The following MYO3B variants were observed in gnomAD, a reference collection of about 807,000 sequenced individuals.
The protein encoded by MYO3B is myosin-IIIb.
MYO3B carries 156 observed loss-of-function variants against 174.6 expected under a neutral mutation model. The observed-to-expected ratio is 0.89, with a 90% CI of 0.78 to 1.02. The LOEUF is 1.02. MYO3B is among the 50% of genes least tolerant of loss of function. The probability of loss-of-function intolerance (pLI) is 0.00; values close to 1 mark genes in which losing one functional copy is unlikely to be tolerated. For synonymous variants in MYO3B, 563 were observed against 569.1 expected (o/e 0.99, Z 0.15); for missense variants, 1,632 against 1,639.4 (o/e 1.00, Z 0.08).
At chr2:170,187,157 T>C (rs1483304799) in intron 1 of MYO3B, among the ~76,000 whole-genome samples, 2 of 152,166 alleles carry the variant, frequency 1.3e-5, no homozygotes, top group African/African-American at 4.8e-5. Context: ...ATTTTACTTC[T>C]TTCTGCTCTG....
intron 7 of MYO3B, among the ~76,000 whole-genome samples, chr2:170,296,842 T>C (rs2093631830): frequency 6.6e-6 from 1 of 152,170 alleles, no homozygotes; most frequent in Admixed American, 6.5e-5. Flanking sequence ...ACATGTCTTA[T>C]ATAGCCAGAG....
chr2:170,271,708 G>T (rs1271520960), intron 7 of MYO3B, among the ~76,000 whole-genome samples: 1 of 152,012 alleles, frequency 6.6e-6, no homozygotes, highest in Non-Finnish European at 1.5e-5. Flanking sequence ...CTACTTGTCT[G>T]GTCTTATTAA....
rs576508553 is a variant in MYO3B, at chr2:170,300,955, TTTAG to T, written c.750-34419_750-34416del. ...AAGAGGTGCTGAATTACAAAGGGAGTTTAGTTAGTTAGTTGATGAACCATGGTGG... is the reference window on the plus strand; with the variant it reads ...AAGAGGTGCTGAATTACAAAGGGAGTTTAGTTAGTTGATGAACCATGGTGG... On this transcript the variant is annotated intron_variant, in intron 7 of 34. Transcript: ENST00000408978. Among the ~76,000 whole-genome samples, 95 of 151,612 alleles carry T rather than the reference TTTAG, an allele frequency of 6.3e-4. 1 individual carries two copies. Among genetic ancestry groups the T allele is most frequent in the Non-Finnish European group, 1.1e-3 (74 of 67,904 alleles).
intron 9 of MYO3B, among the ~76,000 whole-genome samples, chr2:170,379,634 G>A (rs1024782119): frequency 6.6e-5 from 10 of 152,292 alleles, no homozygotes; most frequent in Non-Finnish European, 1.5e-4. Context: ...CTGAGTTTTA[G>A]TAAAAATCTG....
At chr2:170,445,935 C>T (rs902764898) in intron 23 of MYO3B, among the ~76,000 whole-genome samples, 10 of 152,176 alleles carry the variant, frequency 6.6e-5, no homozygotes, top group African/African-American at 2.4e-4. Flanking sequence ...ACCACATCCA[C>T]CCTGGGTTGG....
intron 25 of MYO3B, among the ~76,000 whole-genome samples, chr2:170,489,634 G>GGGGTGTGTGTGTGTGTGT (rs1553507396): frequency 4.3e-5 from 6 of 139,394 alleles, no homozygotes; most frequent in South Asian, 2.4e-4. Context: ...AACCAGTAGG[G>GGGGTGTGTGTGTGTGTGT]GTGTGTGTGT....
chr2:170,219,202 C>T (rs2092864086), intron 6 of MYO3B, among the ~76,000 whole-genome samples: 1 of 152,210 alleles, frequency 6.6e-6, no homozygotes, highest in Admixed American at 6.5e-5. Context: ...TAAGTTTCCA[C>T]CACGTCCTTA....
At chr2:170,439,078 T>G (rs1387188880) in intron 22 of MYO3B, among the ~76,000 whole-genome samples, 1 of 150,512 alleles carries the variant, frequency 6.6e-6, no homozygotes, top group East Asian at 1.9e-4. Flanking sequence ...TTAAATTGTT[T>G]TTTTTTTTTT....
At chr2:170,634,898 A>G (rs1402756292) in intron 32 of MYO3B, among the ~76,000 whole-genome samples, 1 of 152,232 alleles carries the variant, frequency 6.6e-6, no homozygotes, top group Non-Finnish European at 1.5e-5. Flanking sequence ...GTGAAATGCA[A>G]ATCAAAACCA....
rs567929213 is a variant in MYO3B at position 170,612,731 on chromosome 2, C to T, written c.3734-38897C>T. Among the ~76,000 whole-genome samples, 10 of 152,266 alleles carry T rather than the reference C, an allele frequency of 6.6e-5. No individual in the cohort carries two copies. In the South Asian group the frequency reaches 1.9e-3, roughly 28 times the overall value. On this transcript the variant is annotated intron_variant, in intron 32 of 34. Coordinates refer to ENST00000408978, the MANE Select transcript of MYO3B (RefSeq NM_138995.5). The stretch of plus-strand genomic sequence containing the variant: ...TTTGCGCTCATTTTACCTTACCTAG[C>T]CTAGTGCAGGTATTGCATGGAGGAA...
intron 25 of MYO3B, among the ~76,000 whole-genome samples, chr2:170,477,172 G>A (rs1283104373): frequency 6.6e-6 from 1 of 152,090 alleles, no homozygotes; most frequent in Admixed American, 6.5e-5. Flanking sequence ...CTGACCTTGG[G>A]CCCTCCAGCC....
At chr2:170,397,670 T>G (rs2094449140) in intron 16 of MYO3B, among the ~76,000 whole-genome samples, 1 of 152,172 alleles carries the variant, frequency 6.6e-6, no homozygotes, top group South Asian at 2.1e-4. Flanking sequence ...GCAAATTATC[T>G]GGCACCAGCT....
At chr2:170,502,082 T>C (rs1037321348) in intron 28 of MYO3B, among the ~76,000 whole-genome samples, 3 of 152,200 alleles carry the variant, frequency 2.0e-5, no homozygotes, top group African/African-American at 7.2e-5. Context: ...TGGCTAAGGA[T>C]GCTCTGACTG....
At chr2:170,598,447 G>A (rs1351071752) in intron 32 of MYO3B, among the ~76,000 whole-genome samples, 2 of 152,190 alleles carry the variant, frequency 1.3e-5, no homozygotes, top group African/African-American at 2.4e-5. Flanking sequence ...TTAGAAGGCC[G>A]AAAAGATCAT....
intron 7 of MYO3B, among the ~76,000 whole-genome samples, chr2:170,262,915 C>T (rs1460630983): frequency 2.0e-5 from 3 of 152,186 alleles, no homozygotes; most frequent in Non-Finnish European, 4.4e-5. Context: ...TTAATGCATA[C>T]TTAATCTACT....
chr2:170,178,419 C>G, intron 1 of MYO3B, 130 bp downstream of exon 1: 1 of 1,148,122 alleles, frequency 8.7e-7, no homozygotes, highest in Non-Finnish European at 1.3e-6. Flanking sequence ...GGCTTTGGGC[C>G]TCTGTCTGAC....
chr2:170,577,541 G>A (rs1418082031), intron 32 of MYO3B, among the ~76,000 whole-genome samples: 2 of 152,262 alleles, frequency 1.3e-5, no homozygotes, highest in Middle Eastern at 3.4e-3. Context: ...CTGGACTTAC[G>A]AATAAACTCT....
intron 1 of MYO3B, among the ~76,000 whole-genome samples, chr2:170,198,682 TA>T (rs1184000839): frequency 6.6e-6 from 1 of 152,172 alleles, no homozygotes; most frequent in Non-Finnish European, 1.5e-5. Context: ...GCTTTAAATT[TA>T]CTTCTTTTCA....
chr2:170,499,084 T>C (rs1371502808), intron 26 of MYO3B, among the ~76,000 whole-genome samples: 2 of 152,228 alleles, frequency 1.3e-5, no homozygotes, highest in Admixed American at 6.5e-5. Flanking sequence ...ATTTGCTGCA[T>C]AGCCTGATTA....
Sources: allele counts gnomAD v4.1 joint callset (sites outside exome capture counted in the v4.1 genomes callset), GRCh38; gene constraint gnomAD v4.1.1; transcripts MANE v1.5; gene names NCBI Gene and HGNC (gene_info 2026-07-23, HGNC 2026-07-21).